Variants in MAP3K3 observed in about 807,000 individuals in gnomAD.
MAP3K3 encodes MAP/ERK kinase kinase 3.
MAP3K3 carries 12 observed loss-of-function variants against 80.9 expected under a neutral mutation model. The ratio of observed to expected loss-of-function variants is 0.15; its 90% CI spans 0.10 to 0.24. The LOEUF (loss-of-function observed/expected upper bound fraction) is 0.24, where lower values mean the gene tolerates loss of function less well. Among genes scored for constraint, MAP3K3 ranks in the 10% least tolerant of loss-of-function variants. The pLI is 1.00. For synonymous variants in MAP3K3, 272 were observed against 307.1 expected, an observed-to-expected ratio of 0.89 and a Z score of 1.19; for missense variants, 596 against 834.7, an observed-to-expected ratio of 0.71 and a Z score of 3.52.
chr17:63,636,922 C>T lies in MAP3K3; in HGVS notation c.126+4120C>T, dbSNP rs145164453. The T allele has an allele frequency of 2.7e-5, 14 of 517,488 alleles. No homozygotes were observed. In the East Asian group the frequency reaches 6.0e-4, roughly 22 times the overall value. The allele number at this position is 517,488 out of a possible 1,614,324, so 32.1% of individuals were successfully genotyped here. On this transcript the variant is annotated intron_variant, in intron 2 of 15. Coordinates refer to ENST00000361733, the MANE Select transcript of MAP3K3 (RefSeq NM_002401.5). The stretch of plus-strand genomic sequence containing the variant: ...TATAGCCCAATTGGAGGCCTGTATG[C>T]GCTTCATCCAGCTGGACGGGCTGGT...
rs542202207 is a variant in MAP3K3 at position 63,677,272 on chromosome 17, C to T, written c.503-4494C>T. On this transcript the variant is annotated intron_variant, in intron 6 of 15. Coordinates refer to ENST00000361733, the MANE Select transcript of MAP3K3 (RefSeq NM_002401.5). ...TTCAAAGCTTAGTCTTTTCTCCGTG[C>T]ACCTCACTTACCTCCTTAGAGTTGC... 3.3e-5 allele frequency among the ~76,000 whole-genome samples: 5 copies of T among 152,324 alleles called. No homozygotes were observed. The East Asian group carries it at 9.6e-4, about 29-fold the overall frequency.
At position 63,689,791 on chromosome 17, in the gene MAP3K3, CG is replaced by C. The variant is rs1260442585; in HGVS notation, c.1063+61del. ...TGCCCAGGTGGTCTCAGACAAGCTA[CG>C]GGGGCAAACAGCTGGGCCCCTGGGA... On this transcript the variant is annotated intron_variant, in intron 11 of 15. Transcript: ENST00000361733. The surrounding 1 kb of genome is among the most constrained non-coding windows in gnomAD (Gnocchi z 4.3). 5.3e-6 allele frequency: 8 copies of C among 1,516,088 alleles called. No individual in the cohort carries two copies. The African/African-American group carries it at 5.5e-5, about 10-fold the overall frequency. The allele number at this position is 1,516,088 out of a possible 1,614,324, so 93.9% of individuals were successfully genotyped here. A position where few individuals can be genotyped will look rare whatever the true frequency, so the allele number is the denominator to read the frequency against.
chr17:63,689,373 A>T lies in MAP3K3; in HGVS notation c.872-171A>T. ...GACAGCAGCCTCTGTGGAATGAGTC[A>T]GGTGGGAGTGCGGACGGGATGGGCT... On this transcript the variant is annotated intron_variant, in intron 10 of 15. Transcript: ENST00000361733. The surrounding 1 kb of genome is among the most constrained non-coding windows in gnomAD (Gnocchi z 4.3). 1 of 602,386 alleles carries T rather than the reference A, an allele frequency of 1.7e-6. No individual in the cohort carries two copies. The highest frequency in any genetic ancestry group is 2.9e-6 in the Non-Finnish European group (1 of 340,760). The allele number at this position is 602,386 out of a possible 1,614,324, so 37.3% of individuals were successfully genotyped here.
Position 63,689,499 on chromosome 17 carries a change from GC to G in MAP3K3, c.872-43del. The G allele has an allele frequency of 6.4e-7, 1 of 1,560,210 alleles. No individual in the cohort carries two copies. The highest frequency in any genetic ancestry group is 8.7e-7 in the Non-Finnish European group (1 of 1,144,556). On this transcript the variant is annotated intron_variant, in intron 10 of 15. Coordinates refer to ENST00000361733, the MANE Select transcript of MAP3K3 (RefSeq NM_002401.5). This position sits in a 1 kb window ranked among gnomAD's most constrained non-coding sequence, Gnocchi z 4.3. ...CCTGGTTTGTACGTTCCGCCTCGTA[GC>G]CTGGGGTGTGACTTGCTCTCCTCTG...
chr17:63,667,613 T>G (rs1231561522), intron 6 of MAP3K3, among the ~76,000 whole-genome samples: 2 of 152,164 alleles, frequency 1.3e-5, no homozygotes, highest in Non-Finnish European at 2.9e-5. Context: ...GATGCCAAGG[T>G]CTGTGGATGC....
At chr17:63,646,149 C>A in intron 3 of MAP3K3, 75 bp downstream of exon 3, 4 of 1,360,906 alleles carry the variant, frequency 2.9e-6, no homozygotes, top group South Asian at 2.4e-5. Flanking sequence ...TCATGGAAGT[C>A]ATTCCCCTGT....
chr17:63,686,569 A>C (rs981901156), intron 8 of MAP3K3, among the ~76,000 whole-genome samples: 4 of 152,184 alleles, frequency 2.6e-5, no homozygotes, highest in African/African-American at 7.2e-5. Flanking sequence ...GGGAGAGAAG[A>C]GGACTACAGA....
Position 63,692,150 on chromosome 17 carries a change from T to C in MAP3K3, c.1475-92T>C. On this transcript the variant is annotated intron_variant, in intron 14 of 15. Coordinates refer to ENST00000361733, the MANE Select transcript of MAP3K3 (RefSeq NM_002401.5). This position sits in a 1 kb window ranked among gnomAD's most constrained non-coding sequence, Gnocchi z 4.5. ...GTCTAATTCAGTGGTAGCCCTGCCCTCTCCAGCAGCTCTCAGTGACCCGGG... is the reference window on the plus strand; with the variant it reads ...GTCTAATTCAGTGGTAGCCCTGCCCCCTCCAGCAGCTCTCAGTGACCCGGG... 6.9e-7 allele frequency: 1 copy of C among 1,453,494 alleles called. No homozygotes were observed. The highest frequency in any genetic ancestry group is 9.5e-7 in the Non-Finnish European group (1 of 1,047,584). The allele number at this position is 1,453,494 out of a possible 1,614,324, so 90.0% of individuals were successfully genotyped here. A position where few individuals can be genotyped will look rare whatever the true frequency, so the allele number is the denominator to read the frequency against.
At chr17:63,681,285 A>G (rs556117078) in intron 6 of MAP3K3, among the ~76,000 whole-genome samples, 41 of 152,182 alleles carry the variant, frequency 2.7e-4, no homozygotes, top group African/African-American at 9.9e-4. Flanking sequence ...ACAGGGCAAC[A>G]GAGAGAGATG....
At chr17:63,651,143 G>T (rs1444967590) in intron 3 of MAP3K3, among the ~76,000 whole-genome samples, 1 of 152,050 alleles carries the variant, frequency 6.6e-6, no homozygotes, top group Non-Finnish European at 1.5e-5. Context: ...TATCAAAAAT[G>T]GTCGGCCATC....
chr17:63,664,086 CA>C (rs796433141), intron 5 of MAP3K3, among the ~76,000 whole-genome samples: 101 of 140,452 alleles, frequency 7.2e-4, no homozygotes, highest in Middle Eastern at 7.5e-3. Flanking sequence ...ACTAAAAATA[CA>C]AAAAAAAAAA....
chr17:63,679,703 C>A (rs1185964592), intron 6 of MAP3K3, among the ~76,000 whole-genome samples: 1 of 152,122 alleles, frequency 6.6e-6, no homozygotes, highest in Non-Finnish European at 1.5e-5. Context: ...GTCTCAAACT[C>A]CTGGCCTCAA....
intron 2 of MAP3K3, among the ~76,000 whole-genome samples, chr17:63,635,821 A>G (rs1369711258): frequency 6.6e-6 from 1 of 152,200 alleles, no homozygotes; most frequent in African/African-American, 2.4e-5. Flanking sequence ...AGGAAGAGAG[A>G]GGAATGAAAG....
intron 6 of MAP3K3, chr17:63,668,247 C>T (rs2143469819): frequency 6.6e-6 from 1 of 152,314 alleles, no homozygotes; most frequent in South Asian, 2.1e-4. Flanking sequence ...TGCAATATGC[C>T]TCCTGAGGGA....
At chr17:63,667,138 T>C (rs554510109) in intron 6 of MAP3K3, 78 bp downstream of exon 6, 2 of 1,408,358 alleles carry the variant, frequency 1.4e-6, no homozygotes, top group African/African-American at 2.9e-5. Context: ...ATTTGTTAAT[T>C]AAATAATCAT....
chr17:63,689,451 C>T lies in MAP3K3; in HGVS notation c.872-93C>T. On this transcript the variant is annotated intron_variant, in intron 10 of 15. Coordinates refer to ENST00000361733, the MANE Select transcript of MAP3K3 (RefSeq NM_002401.5). The surrounding 1 kb of genome is among the most constrained non-coding windows in gnomAD (Gnocchi z 4.3). ...CTGAGACCTGGTTTGTATATTCCGC[C>T]TTGTAGCCCGGGGTGTCTCAGACCT... 1.8e-6 allele frequency: 2 copies of T among 1,133,764 alleles called. No individual in the cohort carries two copies. The highest frequency in any genetic ancestry group is 2.5e-6 in the Non-Finnish European group (2 of 797,698). 70.2% of individuals were successfully genotyped at this position (1,133,764 alleles called of 1,614,324 possible).
intron 6 of MAP3K3, among the ~76,000 whole-genome samples, chr17:63,674,789 AG>A (rs1201479727): frequency 6.6e-6 from 1 of 152,102 alleles, no homozygotes; most frequent in African/African-American, 2.4e-5. Context: ...GTCCAGGTAG[AG>A]GGTTTATAAT....
Position 63,693,933 on chromosome 17 carries a change from C to A in MAP3K3, c.*156C>A, listed in dbSNP as rs1267507672. ...CTGTGCCCCTTCCGCCACTGGGGCTCAGAGCCGGGGTGGGGTGGCTGCAGC... is the reference window on the plus strand; with the variant it reads ...CTGTGCCCCTTCCGCCACTGGGGCTAAGAGCCGGGGTGGGGTGGCTGCAGC... On this transcript the variant is annotated 3_prime_UTR_variant, in exon 16 of 16. Coordinates refer to ENST00000361733, the MANE Select transcript of MAP3K3 (RefSeq NM_002401.5). The surrounding 1 kb of genome is among the most constrained non-coding windows in gnomAD (Gnocchi z 4.2). 1 of 609,892 alleles carries A rather than the reference C, an allele frequency of 1.6e-6. No homozygotes were observed. Among genetic ancestry groups the A allele is most frequent in the Middle Eastern group, 4.3e-4 (1 of 2,340 alleles). 37.8% of individuals were successfully genotyped at this position (609,892 alleles called of 1,614,324 possible).
At chr17:63,688,712 G>T (rs1243279920) in intron 9 of MAP3K3, 77 bp from the exon 10 acceptor site, 1 of 1,398,292 alleles carries the variant, frequency 7.2e-7, no homozygotes, top group Non-Finnish European at 1.0e-6. Context: ...TGAGGTCTCA[G>T]GTGCCTTGGG....
Sources: gnomAD v4.1 joint callset for allele counts (sites outside exome capture counted in the v4.1 genomes callset) on GRCh38, gnomAD v4.1.1 for gene constraint, Gnocchi (gnomAD v3.1) non-coding constraint, MANE v1.5 for transcripts, NCBI Gene and HGNC (gene_info 2026-07-23, HGNC 2026-07-21) for gene names.